KLF8: variants seen among roughly 807,000 people sequenced by gnomAD.
The protein encoded by KLF8 is KLF transcription factor 8, also known as Krueppel-like factor 8.
Under a neutral mutation model 18.2 loss-of-function variants are expected in KLF8, and 10 were observed. The ratio of observed to expected loss-of-function variants is 0.55; its 90% CI spans 0.34 to 0.93. KLF8 has a LOEUF of 0.93. KLF8 is among the 40% of genes least tolerant of loss of function. KLF8 has a pLI of 0.02. For missense variants in KLF8, 264 were observed against 277.9 expected (o/e 0.95, Z 0.36); for synonymous variants, 109 against 97.3 (o/e 1.12, Z -0.71).
chrX:56,074,675 C>G, the KLF8 span: 1 of 168,329 alleles, frequency 5.9e-6, no homozygotes, highest in Non-Finnish European at 1.1e-5. Context: ...GTAACACACT[C>G]TTTAGATAAT....
At chrX:56,073,048 G>A in the KLF8 span, among the ~76,000 whole-genome samples, 1 of 105,983 alleles carries the variant, frequency 9.4e-6, no homozygotes, top group Non-Finnish European at 1.9e-5. Context: ...GTGCAGTGGC[G>A]CGATTTCGGC....
At chrX:56,022,621 A>G in the KLF8 span, among the ~76,000 whole-genome samples, 1 of 108,682 alleles carries the variant, frequency 9.2e-6, no homozygotes, top group Non-Finnish European at 1.9e-5. Context: ...TGAGCTTTTT[A>G]TCATTTTAAT....
the KLF8 span, among the ~76,000 whole-genome samples, chrX:56,049,621 T>G: frequency 9.8e-6 from 1 of 102,202 alleles, no homozygotes; most frequent in Admixed American, 1.1e-4. Context: ...TGAAGCCCAC[T>G]TGATCATGGT....
chrX:55,988,992 G>A, the KLF8 span, among the ~76,000 whole-genome samples: 1 of 111,507 alleles, frequency 9.0e-6, no homozygotes, highest in Non-Finnish European at 1.9e-5. Context: ...CTCATGATTT[G>A]GCTCTCTGTT....
intron 5 of KLF8, among the ~76,000 whole-genome samples, chrX:56,281,698 C>T (rs772401194): frequency 7.1e-5 from 8 of 112,192 alleles, no homozygotes; most frequent in South Asian, 3.7e-4. Flanking sequence ...CATGAGCCAC[C>T]GCACCTGCCA....
At chrX:56,058,536 T>A in the KLF8 span, among the ~76,000 whole-genome samples, 4 of 97,981 alleles carry the variant, frequency 4.1e-5, no homozygotes, top group Non-Finnish European at 8.2e-5. Flanking sequence ...TGGTGTGTGA[T>A]GTTTCCTTCC....
At chrX:55,974,212 T>C in the KLF8 span, among the ~76,000 whole-genome samples, 1 of 110,816 alleles carries the variant, frequency 9.0e-6, no homozygotes, top group Non-Finnish European at 1.9e-5. Context: ...AGGTTGAGGG[T>C]CAAAAAACTA....
the KLF8 span, among the ~76,000 whole-genome samples, chrX:56,051,395 A>T: frequency 9.0e-6 from 1 of 110,770 alleles, no homozygotes; most frequent in Non-Finnish European, 1.9e-5. Context: ...ATGATTTTGC[A>T]GCGGCTGGTG....
the KLF8 span, among the ~76,000 whole-genome samples, chrX:55,955,846 C>T: frequency 8.9e-6 from 1 of 111,732 alleles, no homozygotes; most frequent in Non-Finnish European, 1.9e-5. Context: ...AATGTAGGAG[C>T]TTTAGAACGT....
the KLF8 span, among the ~76,000 whole-genome samples, chrX:56,221,863 G>A: frequency 1.2e-3 from 133 of 111,578 alleles, no homozygotes; most frequent in African/African-American, 4.1e-3. Context: ...CTGCTGGCTC[G>A]GGCAGCCTGC....
the KLF8 span, among the ~76,000 whole-genome samples, chrX:56,094,883 A>G: frequency 9.0e-6 from 1 of 111,613 alleles, no homozygotes; most frequent in Non-Finnish European, 1.9e-5. Flanking sequence ...AGAACATACC[A>G]TGCTCTTGCA....
At chrX:56,171,138 G>C in the KLF8 span, among the ~76,000 whole-genome samples, 1 of 111,861 alleles carries the variant, frequency 8.9e-6, no homozygotes, top group African/African-American at 3.2e-5. Flanking sequence ...TCCTGTAACT[G>C]TGGTGTCTAA....
chrX:56,074,032 G>A, the KLF8 span, among the ~76,000 whole-genome samples: 1 of 112,011 alleles, frequency 8.9e-6, no homozygotes, highest in Non-Finnish European at 1.9e-5. Context: ...ACAGGAGTGA[G>A]CCAACGCGCC....
At chrX:55,933,640 A>G in the KLF8 span, among the ~76,000 whole-genome samples, 1 of 112,151 alleles carries the variant, frequency 8.9e-6, no homozygotes, top group African/African-American at 3.2e-5. Context: ...AGAATTACTC[A>G]GCAATCATTT....
chrX:55,972,996 T>C, the KLF8 span, among the ~76,000 whole-genome samples: 2 of 112,270 alleles, frequency 1.8e-5, no homozygotes, highest in South Asian at 3.7e-4. Flanking sequence ...TAAAACACCA[T>C]GGTACTGATA....
At chrX:56,127,490 G>A in the KLF8 span, among the ~76,000 whole-genome samples, 1 of 110,292 alleles carries the variant, frequency 9.1e-6, no homozygotes, top group Non-Finnish European at 1.9e-5. Flanking sequence ...GTGAGACCCT[G>A]TCTTTACAAA....
the KLF8 span, among the ~76,000 whole-genome samples, chrX:55,922,887 A>G: frequency 8.9e-6 from 1 of 112,211 alleles, no homozygotes. Context: ...GGGAGTGGAA[A>G]TTAGTTCAAC....
the KLF8 span, among the ~76,000 whole-genome samples, chrX:56,149,526 C>T: frequency 9.0e-6 from 1 of 110,823 alleles, no homozygotes. Flanking sequence ...CCCCAAACCT[C>T]AGCATCAAAC....
At chrX:55,965,996 A>G in the KLF8 span, among the ~76,000 whole-genome samples, 360 of 112,299 alleles carry the variant, frequency 3.2e-3, 2 homozygotes, top group African/African-American at 0.011. Flanking sequence ...ATGTTAGCCT[A>G]CAGCACTCCC....
Sources: allele counts gnomAD v4.1 joint callset (sites outside exome capture counted in the v4.1 genomes callset), GRCh38; gene constraint gnomAD v4.1.1; transcripts MANE v1.5; gene names NCBI Gene and HGNC (gene_info 2026-07-23, HGNC 2026-07-21).